Variants in CDH12 observed in about 807,000 individuals in gnomAD.
CDH12 encodes cadherin-12.
Under a neutral mutation model 74.1 loss-of-function variants are expected in CDH12, and 41 were observed. That is an observed-to-expected ratio of 0.55 (90% CI 0.43 to 0.72). The LOEUF (loss-of-function observed/expected upper bound fraction) is 0.72, where lower values mean the gene tolerates loss of function less well. CDH12 is among the 30% of genes least tolerant of loss of function. CDH12 has a pLI of 0.00. For missense variants in CDH12, 945 were observed against 977.2 expected, an observed-to-expected ratio of 0.97 and a Z score of 0.44; for synonymous variants, 399 against 355.0, an observed-to-expected ratio of 1.12 and a Z score of -1.39.
At chr5:22,333,923 C>T (rs932899460) in intron 3 of CDH12, among the ~76,000 whole-genome samples, 24 of 152,194 alleles carry the variant, frequency 1.6e-4, no homozygotes, top group African/African-American at 5.8e-4. Context: ...AATTAAAGTT[C>T]AACATCCTGT....
chr5:22,532,352 T>TATATAG, intron 1 of CDH12, among the ~76,000 whole-genome samples: 1 of 50,104 alleles, frequency 2.0e-5, no homozygotes, highest in African/African-American at 6.1e-5. Context: ...ATAAATAGGA[T>TATATAG]ATATATATAT....
chr5:22,382,266 C>T (rs1284765651), intron 3 of CDH12, among the ~76,000 whole-genome samples: 1 of 142,998 alleles, frequency 7.0e-6, no homozygotes, highest in Non-Finnish European at 1.5e-5. Flanking sequence ...TTATAGAATA[C>T]ATATTATATA....
intron 10 of CDH12, among the ~76,000 whole-genome samples, chr5:21,786,170 TA>T (rs954928459): frequency 6.6e-6 from 1 of 152,152 alleles, no homozygotes; most frequent in Non-Finnish European, 1.5e-5. Flanking sequence ...ATTTCTTTTT[TA>T]AAGACAGACT....
intron 2 of CDH12, among the ~76,000 whole-genome samples, chr5:22,457,573 A>T (rs1186717604): frequency 6.8e-6 from 1 of 146,962 alleles, no homozygotes; most frequent in Non-Finnish European, 1.5e-5. Context: ...GCACCTGCTA[A>T]CATGCCCAAC....
rs1244456954 is a variant in CDH12 at position 21,857,920 on chromosome 5, TCTC to T, written c.527-3133_527-3131del. Among the ~76,000 whole-genome samples the T allele has an allele frequency of 4.6e-5, 7 of 151,648 alleles. No homozygotes were observed. In the East Asian group the frequency reaches 1.4e-3, roughly 30 times the overall value. The stretch of plus-strand genomic sequence containing the variant: ...CTCTCTTCCTGGCTTCTCACTGTGT[TCTC>T]CTATGCCCTTTCCTCTGTGCTCAGA... On this transcript the variant is annotated intron_variant, in intron 6 of 14. Transcript: ENST00000382254.
intron 3 of CDH12, among the ~76,000 whole-genome samples, chr5:22,285,431 T>C (rs994587252): frequency 6.0e-4 from 91 of 152,276 alleles, no homozygotes; most frequent in Non-Finnish European, 2.2e-4. Context: ...TTTAACTACA[T>C]GGTTCTCTGT....
intron 3 of CDH12, among the ~76,000 whole-genome samples, chr5:22,289,849 G>A (rs1313922576): frequency 2.0e-5 from 3 of 152,146 alleles, no homozygotes; most frequent in African/African-American, 7.2e-5. Flanking sequence ...AGTACCTGAG[G>A]AATGAATCAC....
At chr5:21,967,855 GGC>G (rs1388760134) in intron 6 of CDH12, among the ~76,000 whole-genome samples, 7 of 152,084 alleles carry the variant, frequency 4.6e-5, no homozygotes, top group African/African-American at 9.7e-5. Context: ...GACACTTCAC[GGC>G]TGGCACAGGA....
At chr5:22,214,336 G>C (rs563468151) in intron 3 of CDH12, among the ~76,000 whole-genome samples, 1 of 152,202 alleles carries the variant, frequency 6.6e-6, no homozygotes, top group East Asian at 1.9e-4. Context: ...ACCACTTCAG[G>C]AGAGGGAGAA....
chr5:22,078,671 A>G lies in CDH12; in HGVS notation c.6T>C (p.Leu2=). The G allele has an allele frequency of 6.2e-7, 1 of 1,613,550 alleles. No homozygotes were observed. Among genetic ancestry groups the G allele is most frequent in the African/African-American group, 1.3e-5 (1 of 75,020 alleles). Residue 2 remains leucine (L), a synonymous_variant, in exon 5 of 15, where the codon CTT becomes CTC. Transcript: ENST00000382254. The stretch of plus-strand genomic sequence containing the variant: ...GAAGCAGGGATAAACAGTTCCTTGT[A>G]AGCATTGGCAAAGGCTTTCCTACAG... The part of the protein sequence containing the change: M[L]TRNCLSLLLW...
At chr5:21,939,444 G>T (rs1440985017) in intron 6 of CDH12, among the ~76,000 whole-genome samples, 1 of 151,502 alleles carries the variant, frequency 6.6e-6, no homozygotes, top group Non-Finnish European at 1.5e-5. Flanking sequence ...ATACATCAGG[G>T]TTACAATTAA....
chr5:21,846,000 A>G (rs1380371846), intron 7 of CDH12, among the ~76,000 whole-genome samples: 1 of 152,160 alleles, frequency 6.6e-6, no homozygotes, highest in African/African-American at 2.4e-5. Flanking sequence ...CCTAGGAGCC[A>G]GGCATGTTCA....
chr5:22,222,942 A>C (rs1752069673), intron 3 of CDH12, among the ~76,000 whole-genome samples: 1 of 152,024 alleles, frequency 6.6e-6, no homozygotes, highest in Non-Finnish European at 1.5e-5. Context: ...ATTACAGTGC[A>C]AACTTTTGTT....
chr5:21,886,420 T>C (rs750924535), intron 6 of CDH12, among the ~76,000 whole-genome samples: 1 of 150,532 alleles, frequency 6.6e-6, no homozygotes, highest in Non-Finnish European at 1.5e-5. Flanking sequence ...ATTCTCTTTG[T>C]TTGTGTTTTT....
chr5:22,033,132 T>C (rs1423124263), intron 5 of CDH12, among the ~76,000 whole-genome samples: 1 of 152,034 alleles, frequency 6.6e-6, no homozygotes, highest in African/African-American at 2.4e-5. Context: ...AGTATAAATG[T>C]GGAAATTTTA....
At chr5:22,118,285 T>C (rs1489373883) in intron 4 of CDH12, among the ~76,000 whole-genome samples, 1 of 152,180 alleles carries the variant, frequency 6.6e-6, no homozygotes, top group Non-Finnish European at 1.5e-5. Context: ...AAATTAATCT[T>C]AAATGAATCA....
chr5:21,931,790 G>T (rs1754851040), intron 6 of CDH12, among the ~76,000 whole-genome samples: 1 of 152,044 alleles, frequency 6.6e-6, no homozygotes, highest in East Asian at 1.9e-4. Context: ...TTGATTTTGT[G>T]TACTAAGACT....
At chr5:22,823,245 A>C (rs1207050698) in intron 1 of CDH12, among the ~76,000 whole-genome samples, 7 of 45,630 alleles carry the variant, frequency 1.5e-4, no homozygotes, top group African/African-American at 5.2e-4. Flanking sequence ...AGGTGGGGGG[A>C]GGGGGGAGGG....
At chr5:22,339,235 T>C (rs563235128) in intron 3 of CDH12, among the ~76,000 whole-genome samples, 35 of 152,326 alleles carry the variant, frequency 2.3e-4, no homozygotes, top group African/African-American at 7.7e-4. Flanking sequence ...CCTTAGAGAC[T>C]GCAGTGCTGA....
Sources: gnomAD v4.1 joint callset for allele counts (sites outside exome capture counted in the v4.1 genomes callset) on GRCh38, gnomAD v4.1.1 for gene constraint, MANE v1.5 for transcripts, NCBI Gene and HGNC (gene_info 2026-07-23, HGNC 2026-07-21) for gene names.